The following STAB2 variants were observed in gnomAD, a reference collection of about 807,000 sequenced individuals.
The protein encoded by STAB2 is stabilin 2.
STAB2 carries 288 observed loss-of-function variants against 338.1 expected under a neutral mutation model. The observed-to-expected ratio is 0.85, with a 90% confidence interval of 0.77 to 0.94. STAB2 has a LOEUF of 0.94. STAB2 is among the 40% of genes least tolerant of loss of function. The pLI is 0.00. For missense variants in STAB2, 3,141 were observed against 3,210.1 expected, an observed-to-expected ratio of 0.98 and a Z score of 0.52; for synonymous variants, 1,202 against 1,193.3, an observed-to-expected ratio of 1.01 and a Z score of -0.15.
chr12:103,676,044 AC>A (rs747996056), intron 24 of STAB2, 23 bp downstream of exon 24: 1 of 1,178,768 alleles, frequency 8.5e-7, no homozygotes, highest in South Asian at 1.5e-5. Flanking sequence ...CTTCATTTCC[AC>A]CCTGCCTGGT....
chr12:103,731,059 T>C (rs1593294889), intron 49 of STAB2, among the ~76,000 whole-genome samples: 1 of 152,142 alleles, frequency 6.6e-6, no homozygotes, highest in Non-Finnish European at 1.5e-5. Flanking sequence ...AGTGAGATCC[T>C]GTCTAAAAAA....
Position 103,699,176 on chromosome 12 carries a change from G to A in STAB2, c.3663G>A (p.Glu1221=), listed in dbSNP as rs747381639. Residue 1221 remains glutamate, a synonymous_variant, in exon 34 of 69, where the codon GAG becomes GAA. Coordinates refer to ENST00000388887, the MANE Select transcript of STAB2 (RefSeq NM_017564.10). The stretch of plus-strand genomic sequence containing the variant: ...ACCTGCACAATGGCATGCATCGTGA[G>A]ACCATGCTGGGTTTCTCCTATTTCC... The part of the protein sequence containing the change: ...KNDLHNGMHR[E]TMLGFSYFLS... 6.2e-7 allele frequency: 1 copy of A among 1,613,444 alleles called. No homozygotes were observed. Among genetic ancestry groups the A allele is most frequent in the South Asian group, 1.1e-5 (1 of 91,004 alleles).
intron 65 of STAB2, among the ~76,000 whole-genome samples, 155 bp downstream of exon 65, chr12:103,759,428 A>C (rs1385632323): frequency 1.3e-5 from 2 of 152,194 alleles, no homozygotes; most frequent in African/African-American, 4.8e-5. Flanking sequence ...ACAGCATACC[A>C]CACTGACAAT....
chr12:103,599,537 C>T (rs1956924744), intron 3 of STAB2, among the ~76,000 whole-genome samples: 1 of 152,152 alleles, frequency 6.6e-6, no homozygotes. Flanking sequence ...TGCAGGGTTG[C>T]CAGATTTAGC....
Position 103,737,702 on chromosome 12 carries a change from G to A in STAB2, c.5619G>A (p.Val1873=), listed in dbSNP as rs1469253939. Residue 1873 remains valine, a synonymous_variant, in exon 53 of 69, where the codon GTG becomes GTA. Coordinates refer to ENST00000388887, the MANE Select transcript of STAB2 (RefSeq NM_017564.10). ...VQRELLFDLG[V]AYGIDCLLID... is the part of the protein sequence containing the mutation. ...GGGAGCTCTTGTTTGACCTGGGTGTGGCCTACGGCATTGACTGTCTGCTGA... is the reference window on the plus strand; with the variant it reads ...GGGAGCTCTTGTTTGACCTGGGTGTAGCCTACGGCATTGACTGTCTGCTGA... 2.5e-6 allele frequency: 4 copies of A among 1,612,190 alleles called. No individual in the cohort carries two copies. Among genetic ancestry groups the A allele is most frequent in the Non-Finnish European group, 3.4e-6 (4 of 1,179,434 alleles).
chr12:103,726,741 GAATAA>G (rs1283903583), intron 46 of STAB2, among the ~76,000 whole-genome samples: 2 of 151,852 alleles, frequency 1.3e-5, no homozygotes, highest in African/African-American at 2.4e-5. Flanking sequence ...TCAGATATAA[GAATAA>G]AATATAAAAA....
At chr12:103,593,989 G>A (rs1451589803) in intron 2 of STAB2, among the ~76,000 whole-genome samples, 1 of 152,172 alleles carries the variant, frequency 6.6e-6, no homozygotes. Flanking sequence ...AATATGCTAA[G>A]CCTGAGCAAT....
chr12:103,639,637 A>G (rs1057338491), intron 8 of STAB2, among the ~76,000 whole-genome samples: 2 of 151,108 alleles, frequency 1.3e-5, no homozygotes, highest in Non-Finnish European at 2.9e-5. Flanking sequence ...CTGGGAAGTA[A>G]AGGCTGCAAT....
At chr12:103,678,142 T>C (rs1180595865) in intron 25 of STAB2, among the ~76,000 whole-genome samples, 1 of 152,194 alleles carries the variant, frequency 6.6e-6, no homozygotes, top group African/African-American at 2.4e-5. Flanking sequence ...CAGGTGTGTT[T>C]ATAATACAAG....
At chr12:103,703,832 A>C (rs886106248) in intron 35 of STAB2, among the ~76,000 whole-genome samples, 3 of 152,238 alleles carry the variant, frequency 2.0e-5, no homozygotes, top group African/African-American at 7.2e-5. Context: ...TATGCCGGGC[A>C]CTGCTCTAAA....
chr12:103,652,747 C>T, intron 12 of STAB2, 42 bp downstream of exon 12: 7 of 1,506,930 alleles, frequency 4.6e-6, no homozygotes, highest in Non-Finnish European at 6.2e-6. Context: ...CTAAATTATC[C>T]ACCAAGCCAA....
intron 34 of STAB2, among the ~76,000 whole-genome samples, chr12:103,702,138 T>A (rs1878934599): frequency 6.9e-6 from 1 of 145,906 alleles, no homozygotes. Context: ...TGTTCTTCCC[T>A]AAAAAAAAAA....
In STAB2 at chr12:103,594,492, T is replaced by C. The variant is rs890232534; in HGVS notation, c.313T>C (p.Trp105Arg). 3 of 1,613,728 alleles carry C rather than the reference T, an allele frequency of 1.9e-6. No homozygotes were observed. In the African/African-American group the frequency reaches 4.0e-5, roughly 22 times the overall value. The change falls in exon 3 of 69, where the codon TGG becomes CGG. Residue 105 changes from tryptophan (W) to arginine (R), a missense_variant. Coordinates refer to ENST00000388887, the MANE Select transcript of STAB2 (RefSeq NM_017564.10). ...CCAACCTCGGTGTTGTCCTGGCCGC[T>C]GGGGCCCAGACTGTATAGGTAAGTG... ...YLQPRCCPGRWGPDCIECPGG... is the reference protein window; with the variant it reads ...YLQPRCCPGRRGPDCIECPGG...
intron 31 of STAB2, 90 bp downstream of exon 31, chr12:103,692,979 A>G: frequency 9.6e-7 from 1 of 1,044,710 alleles, no homozygotes; most frequent in Admixed American, 2.4e-5. Context: ...TAAATAGAAA[A>G]ATACTTAGCC....
rs150255146 is a variant in STAB2 at position 103,759,159 on chromosome 12, C to T, written c.7134C>T (p.His2378=). Residue 2378 remains histidine, a synonymous_variant, in exon 65 of 69, where the codon CAC becomes CAT. Coordinates refer to ENST00000388887, the MANE Select transcript of STAB2 (RefSeq NM_017564.10). The part of the protein sequence containing the change: ...NETLSGRDIE[H]HLANVSMFFY... ...CCTTGTCTGGGCGGGACATCGAGCA[C>T]CACCTCGCCAATGTCAGCATGTTTT... 91 of 1,614,186 alleles carry T rather than the reference C, an allele frequency of 5.6e-5. No individual in the cohort carries two copies. In the African/African-American group the frequency reaches 1.1e-3, roughly 19 times the overall value.
chr12:103,735,454 A>AC, intron 51 of STAB2, 37 bp from the exon 52 acceptor site: 1 of 1,525,860 alleles, frequency 6.6e-7, no homozygotes, highest in Non-Finnish European at 8.8e-7. Flanking sequence ...CTTCGGCCCA[A>AC]ATTTGGGGCA....
At position 103,647,028 on chromosome 12, in the gene STAB2, G is replaced by A. The variant is rs77614493; in HGVS notation, c.1041-1662G>A. Among the ~76,000 whole-genome samples, 9 of 152,290 alleles carry A rather than the reference G, an allele frequency of 5.9e-5. No homozygotes were observed. In the East Asian group the frequency reaches 1.4e-3, roughly 23 times the overall value. ...AAAAAAGAAGTAGTTTAGCGCTGCT[G>A]GAATTTTCAGTGGACAGCAAAAAGA... On this transcript the variant is annotated intron_variant, in intron 9 of 68. Transcript: ENST00000388887.
intron 38 of STAB2, among the ~76,000 whole-genome samples, chr12:103,707,972 A>G (rs529809613): frequency 6.6e-6 from 1 of 152,298 alleles, no homozygotes; most frequent in Non-Finnish European, 1.5e-5. Context: ...TTTTCTGGGG[A>G]AGGCATCTGT....
chr12:103,613,691 G>C (rs1160178773), intron 3 of STAB2, among the ~76,000 whole-genome samples: 1 of 152,096 alleles, frequency 6.6e-6, no homozygotes, highest in Non-Finnish European at 1.5e-5. Context: ...TGCACCCACT[G>C]TCCTGCACCC....
Sources: gnomAD v4.1 joint callset for allele counts (sites outside exome capture counted in the v4.1 genomes callset) on GRCh38, gnomAD v4.1.1 for gene constraint, MANE v1.5 for transcripts, NCBI Gene and HGNC (gene_info 2026-07-23, HGNC 2026-07-21) for gene names.